The following TRIM67 variants were observed in gnomAD, a reference collection of about 807,000 sequenced individuals.
The protein encoded by TRIM67 is tripartite motif containing 67.
In TRIM67, 39 loss-of-function variants were observed where a neutral mutation model predicts 71.0. The ratio of observed to expected loss-of-function variants is 0.55; its 90% CI spans 0.43 to 0.72. The LOEUF (loss-of-function observed/expected upper bound fraction) is 0.72. Among genes scored for constraint, TRIM67 ranks in the 30% least tolerant of loss-of-function variants. The pLI, the probability that TRIM67 is intolerant of heterozygous loss-of-function variation, is 0.00. For synonymous variants in TRIM67, 481 were observed against 473.9 expected, an observed-to-expected ratio of 1.01 and a Z score of -0.19; for missense variants, 973 against 1,079.2, an observed-to-expected ratio of 0.90 and a Z score of 1.38.
intron 1 of TRIM67, among the ~76,000 whole-genome samples, chr1:231,193,216 G>A (rs1443762854): frequency 6.6e-6 from 1 of 152,150 alleles, no homozygotes; most frequent in Admixed American, 6.5e-5. Context: ...TTTTTATTCA[G>A]CCGGGGAGCA....
rs903368024 is a variant in TRIM67 at position 231,220,142 on chromosome 1, T to G, written c.*4702T>G. 6 of 411,416 alleles carry G rather than the reference T, an allele frequency of 1.5e-5. No individual in the cohort carries two copies. In the Admixed American group the frequency reaches 1.6e-4, roughly 11 times the overall value. The allele number at this position is 411,416 out of a possible 1,614,324, so 25.5% of individuals were successfully genotyped here. A position where few individuals can be genotyped will look rare whatever the true frequency, so the allele number is the denominator to read the frequency against. On this transcript the variant is annotated 3_prime_UTR_variant, in exon 10 of 10. Coordinates refer to ENST00000366653, the MANE Select transcript of TRIM67 (RefSeq NM_001004342.5). Reference sequence around the variant, plus strand: ...CATCTCTGGCATCTAAGCTAATGATTCCCATTCAGTGACTCAAACCTGTGG... The same window carrying G: ...CATCTCTGGCATCTAAGCTAATGATGCCCATTCAGTGACTCAAACCTGTGG...
At chr1:231,202,070 G>A (rs376341665) in intron 5 of TRIM67, among the ~76,000 whole-genome samples, 144 of 65,988 alleles carry the variant, frequency 2.2e-3, no homozygotes, top group East Asian at 3.4e-3. Flanking sequence ...AGGAGATGGA[G>A]GAGGAGGAGG....
intron 1 of TRIM67, among the ~76,000 whole-genome samples, chr1:231,194,436 T>G (rs992111915): frequency 1.3e-5 from 2 of 152,092 alleles, no homozygotes; most frequent in Admixed American, 6.5e-5. Context: ...TAAAGGTTCA[T>G]TGGAAGCCAA....
intron 1 of TRIM67, among the ~76,000 whole-genome samples, chr1:231,167,003 A>T (rs1209623905): frequency 6.6e-6 from 1 of 152,198 alleles, no homozygotes; most frequent in Non-Finnish European, 1.5e-5. Context: ...CTAGTGTGAC[A>T]TGCCACAGAA....
At position 231,220,478 on chromosome 1, in the gene TRIM67, G is replaced by A. The variant is rs982606946; in HGVS notation, c.*5038G>A. ...TGCCTTCTTTGTTACCTAAGTTCTGGTATCTAAGGGGTCTCTCATCTCACA... is the reference window on the plus strand; with the variant it reads ...TGCCTTCTTTGTTACCTAAGTTCTGATATCTAAGGGGTCTCTCATCTCACA... On this transcript the variant is annotated 3_prime_UTR_variant, in exon 10 of 10. Transcript: ENST00000366653. 2 of 153,552 alleles carry A rather than the reference G, an allele frequency of 1.3e-5. No individual in the cohort carries two copies. Among genetic ancestry groups the A allele is most frequent in the Admixed American group, 6.5e-5 (1 of 15,416 alleles). 9.5% of individuals were successfully genotyped at this position (153,552 alleles called of 1,614,324 possible).
chr1:231,163,434 C>A lies in TRIM67; in HGVS notation c.465C>A (p.Ser155Arg). ...GCTCCTCGCTGTCCTCGTCTTCGAG[C>A]TCCATCACGTGCCCGCAGTGCCACC... ...AACSSLSSSSSSITCPQCHRS... is the reference protein window; with the variant it reads ...AACSSLSSSSRSITCPQCHRS... Residue 155 changes from serine to arginine, a missense_variant, in exon 1 of 10, where the codon AGC becomes AGA. By Grantham distance (110) the Ser-to-Arg change is moderately radical. Transcript: ENST00000366653. 6.5e-7 allele frequency: 1 copy of A among 1,540,310 alleles called. No homozygotes were observed. The highest frequency in any genetic ancestry group is 1.2e-5 in the South Asian group (1 of 83,086).
At chr1:231,172,642 T>C (rs943963262) in intron 1 of TRIM67, among the ~76,000 whole-genome samples, 1 of 152,224 alleles carries the variant, frequency 6.6e-6, no homozygotes, top group African/African-American at 2.4e-5. Flanking sequence ...AAGGAGAGGC[T>C]GGGCCTTAGT....
At chr1:231,213,102 C>T (rs538245461) in intron 8 of TRIM67, among the ~76,000 whole-genome samples, 3 of 152,286 alleles carry the variant, frequency 2.0e-5, no homozygotes, top group South Asian at 2.1e-4. Flanking sequence ...ACATCTTCAT[C>T]GACCTCAGCA....
intron 1 of TRIM67, among the ~76,000 whole-genome samples, chr1:231,179,150 T>G (rs1308517753): frequency 6.6e-6 from 1 of 152,204 alleles, no homozygotes. Flanking sequence ...AAAATCAAGG[T>G]GTCGGCAGGG....
At chr1:231,203,475 G>C (rs147715720) in intron 5 of TRIM67, among the ~76,000 whole-genome samples, 1 of 152,198 alleles carries the variant, frequency 6.6e-6, no homozygotes, top group Non-Finnish European at 1.5e-5. Flanking sequence ...CTTGTGCCAC[G>C]CACAGGGAGC....
chr1:231,184,747 C>T (rs1683008314), intron 1 of TRIM67: 8 of 499,252 alleles, frequency 1.6e-5, no homozygotes, highest in South Asian at 1.3e-4. Flanking sequence ...GGTTCTCATT[C>T]TACCGAGAAC....
intron 1 of TRIM67, among the ~76,000 whole-genome samples, chr1:231,168,186 A>G (rs1159633433): frequency 3.3e-5 from 5 of 150,858 alleles, no homozygotes; most frequent in Admixed American, 2.0e-4. Context: ...GCTGGTCTCA[A>G]TTGAACTCCT....
At position 231,201,516 on chromosome 1, in the gene TRIM67, G is replaced by A. The variant is rs1683521419; in HGVS notation, c.1533G>A (p.Arg511=). The change falls in exon 5 of 10, where the codon AGG becomes AGA. Residue 511 remains arginine, a splice_region_variant and synonymous_variant. Transcript: ENST00000366653. ...HQLDFIQMKC[R]VPPVPLLQLE... Reference sequence around the variant, plus strand: ...TGGACTTCATTCAGATGAAATGTAGGGGTGAGCCGCGGTTGGCCCCAGTTC... The same window carrying A: ...TGGACTTCATTCAGATGAAATGTAGAGGTGAGCCGCGGTTGGCCCCAGTTC... The A allele has an allele frequency of 6.2e-7, 1 of 1,613,462 alleles. No homozygotes were observed. The highest frequency in any genetic ancestry group is 8.5e-7 in the Non-Finnish European group (1 of 1,179,730).
Position 231,206,767 on chromosome 1 carries a change from C to G in TRIM67, c.1796C>G (p.Thr599Ser). The G allele has an allele frequency of 6.2e-7, 1 of 1,608,348 alleles. No individual in the cohort carries two copies. Among genetic ancestry groups the G allele is most frequent in the East Asian group, 2.2e-5 (1 of 44,524 alleles). ...NSSGVGPYSK[T>S]VVLQTSDVAW... ...TCTGGTGTCGGGCCTTACAGTAAAA[C>G]TGTCGTCCTGCAGACATCCGATGGT... The change falls in exon 7 of 10, where the codon ACT becomes AGT. Residue 599 changes from threonine to serine, a missense_variant. Thr to Ser is a moderately conservative substitution (Grantham distance 58). This residue lies in a region of TRIM67 where 795 missense variants were observed against 831.3 expected (regional missense o/e 0.96). Transcript: ENST00000366653.
chr1:231,206,256 C>G (rs1282514947), intron 6 of TRIM67, among the ~76,000 whole-genome samples: 1 of 151,202 alleles, frequency 6.6e-6, no homozygotes, highest in Non-Finnish European at 1.5e-5. Flanking sequence ...ATAGGGAAAC[C>G]CCATCTCTAC....
chr1:231,188,474 A>G (rs1215695430), intron 1 of TRIM67, among the ~76,000 whole-genome samples: 1 of 152,164 alleles, frequency 6.6e-6, no homozygotes, highest in Non-Finnish European at 1.5e-5. Context: ...TGCAGCTGGA[A>G]GATGGTGGGT....
chr1:231,178,168 A>G (rs995774967), intron 1 of TRIM67, among the ~76,000 whole-genome samples: 1 of 152,216 alleles, frequency 6.6e-6, no homozygotes, highest in South Asian at 2.1e-4. Context: ...AGCTTGTGAC[A>G]TGAAAAAAGC....
rs1046313404 is a variant in TRIM67, at chr1:231,163,365, C to T, written c.396C>T (p.Pro132=). The change falls in exon 1 of 10, where the codon CCC becomes CCT. Residue 132 remains proline (P), a synonymous_variant. Transcript: ENST00000366653. ...GGGTTCGCGTGCTGCCCATGGTGCC[C>T]GCACCACCCGGCTCCTCGGCTGCGG... ...PNGVRVLPMV[P]APPGSSAAAA... The T allele has an allele frequency of 2.0e-6, 3 of 1,533,718 alleles. No homozygotes were observed. The highest frequency in any genetic ancestry group is 1.4e-5 in the African/African-American group (1 of 70,496).
chr1:231,190,548 C>A (rs148524689), intron 1 of TRIM67, among the ~76,000 whole-genome samples: 8 of 152,142 alleles, frequency 5.3e-5, no homozygotes, highest in Admixed American at 5.2e-4. Context: ...CTTCAGCCTG[C>A]GGCCCCCGGC....
Sources: gnomAD v4.1 joint callset for allele counts (sites outside exome capture counted in the v4.1 genomes callset) on GRCh38, gnomAD v4.1.1 for gene constraint, gnomAD v4.1.1 regional missense constraint, MANE v1.5 for transcripts, NCBI Gene and HGNC (gene_info 2026-07-23, HGNC 2026-07-21) for gene names.